The following ACOT7 variants were observed in gnomAD, a reference collection of about 807,000 sequenced individuals.
ACOT7 encodes cytosolic acyl coenzyme A thioester hydrolase.
Under a neutral mutation model 40.2 loss-of-function variants are expected in ACOT7, and 12 were observed. That is an observed-to-expected ratio of 0.30 (90% confidence interval 0.19 to 0.48). The LOEUF is 0.48. Among genes scored for constraint, ACOT7 ranks in the 20% least tolerant of loss-of-function variants. The probability of loss-of-function intolerance (pLI) is 0.99; values close to 1 mark genes in which losing one functional copy is unlikely to be tolerated. For synonymous variants in ACOT7, 228 were observed against 219.5 expected (o/e 1.04, Z -0.34); for missense variants, 395 against 530.8 (o/e 0.74, Z 2.51).
rs570635527 is a variant in ACOT7 at position 6,365,999 on chromosome 1, G to A, written c.144-16133C>T. 7.3e-5 allele frequency among the ~76,000 whole-genome samples: 11 copies of A among 151,574 alleles called. No homozygotes were observed. In the South Asian group the frequency reaches 2.1e-3, roughly 29 times the overall value. On this transcript the variant is annotated intron_variant, in intron 1 of 8. Coordinates refer to ENST00000361521, the MANE Select transcript of ACOT7 (RefSeq NM_007274.4). ...AACCTCTGCCTCCCGGGTTCAAGTG[G>A]TTCTCCTACCTCAGCCTCCCAAGTA...
At chr1:6,382,796 C>A (rs1642362858) in intron 1 of ACOT7, among the ~76,000 whole-genome samples, 1 of 151,806 alleles carries the variant, frequency 6.6e-6, no homozygotes, top group African/African-American at 2.4e-5. Context: ...CAGAGTAACA[C>A]CCTGTCTCAA....
At chr1:6,280,207 C>T (rs896246063) in intron 8 of ACOT7, among the ~76,000 whole-genome samples, 3 of 152,234 alleles carry the variant, frequency 2.0e-5, no homozygotes, top group African/African-American at 7.2e-5. Context: ...CCTCGCTCCC[C>T]GGAGGGGCAG....
At chr1:6,389,297 G>C (rs567948171) in intron 1 of ACOT7, among the ~76,000 whole-genome samples, 1 of 152,212 alleles carries the variant, frequency 6.6e-6, no homozygotes, top group African/African-American at 2.4e-5. Flanking sequence ...AAACCTTGTA[G>C]ATTTCACACA....
chr1:6,280,232 T>G (rs1420268924), intron 8 of ACOT7, among the ~76,000 whole-genome samples: 1 of 152,234 alleles, frequency 6.6e-6, no homozygotes, highest in African/African-American at 2.4e-5. Context: ...CTCCTACAGC[T>G]CTGCTTTCCT....
chr1:6,342,292 AC>A (rs993284074), intron 2 of ACOT7, among the ~76,000 whole-genome samples: 3 of 151,152 alleles, frequency 2.0e-5, no homozygotes, highest in African/African-American at 7.3e-5. Flanking sequence ...ATGAAGCCCC[AC>A]CCCCATACCC....
At chr1:6,279,890 G>A (rs1274636849) in intron 8 of ACOT7, among the ~76,000 whole-genome samples, 2 of 152,184 alleles carry the variant, frequency 1.3e-5, no homozygotes, top group African/African-American at 4.8e-5. Context: ...CAGCTGGGGC[G>A]ACTCGGCGGC....
At chr1:6,360,743 G>C in intron 1 of ACOT7, 2 of 1,589,984 alleles carry the variant, frequency 1.3e-6, no homozygotes, top group Non-Finnish European at 1.7e-6. Context: ...TGTGCCCTTT[G>C]GACTTGGCCT....
Position 6,311,927 on chromosome 1 carries a change from G to C in ACOT7, c.712+6565C>G. On this transcript the variant is annotated intron_variant, in intron 6 of 8. Coordinates refer to ENST00000361521, the MANE Select transcript of ACOT7 (RefSeq NM_007274.4). The surrounding 1 kb of genome is among the most constrained non-coding windows in gnomAD (Gnocchi z 5.2). Reference sequence around the variant, plus strand: ...CAGGGTCTGGGTCACCTGTCGGGTGGGGTCTGGGTGTCTGTGGTTTTAAGA... The same window carrying C: ...CAGGGTCTGGGTCACCTGTCGGGTGCGGTCTGGGTGTCTGTGGTTTTAAGA... 6.6e-6 allele frequency among the ~76,000 whole-genome samples: 1 copy of C among 152,164 alleles called. No homozygotes were observed. The highest frequency in any genetic ancestry group is 1.9e-4 in the East Asian group (1 of 5,190).
intron 6 of ACOT7, 150 bp from the exon 7 acceptor site, chr1:6,295,130 G>T: frequency 1.8e-6 from 1 of 565,034 alleles, no homozygotes; most frequent in Non-Finnish European, 3.2e-6. Context: ...TCGGCCGCAC[G>T]TGCTGTGGCT....
intron 7 of ACOT7, among the ~76,000 whole-genome samples, chr1:6,287,399 G>A (rs1639533987): frequency 6.6e-6 from 1 of 152,242 alleles, no homozygotes; most frequent in Non-Finnish European, 1.5e-5. Flanking sequence ...TAACCCCTCG[G>A]AATTGCAGCT....
intron 1 of ACOT7, chr1:6,385,851 GC>G: frequency 2.1e-6 from 3 of 1,408,882 alleles, no homozygotes; most frequent in Middle Eastern, 2.6e-4. Flanking sequence ...CGCCTCCTCG[GC>G]TTCCGGAACT....
intron 1 of ACOT7, among the ~76,000 whole-genome samples, chr1:6,357,481 G>C (rs988785959): frequency 6.6e-6 from 1 of 152,222 alleles, no homozygotes; most frequent in Non-Finnish European, 1.5e-5. Flanking sequence ...CACCAGGTGC[G>C]TGTGCTCCAC....
In ACOT7 at chr1:6,290,441, C is replaced by T. The variant is rs557780906; in HGVS notation, c.829+4423G>A. 2.8e-4 allele frequency among the ~76,000 whole-genome samples: 43 copies of T among 152,316 alleles called. 1 individual carries two copies. In the South Asian group the frequency reaches 4.2e-3, roughly 15 times the overall value. On this transcript the variant is annotated intron_variant, in intron 7 of 8. Transcript: ENST00000361521. ...GGGGACCAGTGGCCTCTCAGGGCTG[C>T]TCACATGAGGGGCACGGGCTGTGAC...
At chr1:6,341,399 C>T (rs1276760979) in intron 2 of ACOT7, among the ~76,000 whole-genome samples, 3 of 151,502 alleles carry the variant, frequency 2.0e-5, no homozygotes, top group Non-Finnish European at 4.4e-5. Context: ...TCCCAAAGTG[C>T]TGGGATTACA....
Position 6,306,201 on chromosome 1 carries a change from G to A in ACOT7, c.713-11221C>T, listed in dbSNP as rs1352778756. On this transcript the variant is annotated intron_variant, in intron 6 of 8. Transcript: ENST00000361521. This position sits in a 1 kb window ranked among gnomAD's most constrained non-coding sequence, Gnocchi z 4.3. ...GTGGCAAGAGAGGGAGAGGGAGACC[G>A]TGGGGAGAGGGGGAGGGGGAGGGGG... The A allele has an allele frequency of 1.3e-5, 11 of 861,576 alleles. No individual in the cohort carries two copies. The African/African-American group carries it at 2.2e-4, about 17-fold the overall frequency. The allele number at this position is 861,576 out of a possible 1,614,324, so 53.4% of individuals were successfully genotyped here.
chr1:6,328,248 A>C (rs571345402), intron 4 of ACOT7, among the ~76,000 whole-genome samples: 1 of 152,322 alleles, frequency 6.6e-6, no homozygotes, highest in African/African-American at 2.4e-5. Context: ...CCCTTGGCCA[A>C]TCAAACAGGT....
At chr1:6,316,553 T>C (rs1640501290) in intron 6 of ACOT7, among the ~76,000 whole-genome samples, 1 of 152,232 alleles carries the variant, frequency 6.6e-6, no homozygotes, top group Non-Finnish European at 1.5e-5. Context: ...CTCACGCCTG[T>C]GATCCCAGCA....
chr1:6,317,425 C>A (rs1455853520), intron 6 of ACOT7, among the ~76,000 whole-genome samples: 1 of 152,212 alleles, frequency 6.6e-6, no homozygotes, highest in Non-Finnish European at 1.5e-5. Context: ...CCAGCTGTTT[C>A]CCAAACTCTG....
At chr1:6,357,159 C>T (rs1290744390) in intron 1 of ACOT7, among the ~76,000 whole-genome samples, 12 of 152,100 alleles carry the variant, frequency 7.9e-5, no homozygotes, top group Non-Finnish European at 1.6e-4. Context: ...ATCGCTTAAA[C>T]CCAAGAAGCG....
Sources: allele counts gnomAD v4.1 joint callset (sites outside exome capture counted in the v4.1 genomes callset), GRCh38; gene constraint gnomAD v4.1.1; non-coding constraint Gnocchi (gnomAD v3.1); transcripts MANE v1.5; gene names NCBI Gene and HGNC (gene_info 2026-07-23, HGNC 2026-07-21).